The following R3HDM1 variants were observed in gnomAD, a reference collection of about 807,000 sequenced individuals.
R3HDM1 encodes the protein R3H domain containing 1.
A neutral mutation model predicts 141.1 loss-of-function variants in R3HDM1; 46 were observed. The observed-to-expected ratio is 0.33, with a 90% confidence interval of 0.26 to 0.42. The LOEUF (loss-of-function observed/expected upper bound fraction) is 0.42, where lower values mean the gene tolerates loss of function less well. Ranked by LOEUF, R3HDM1 falls within the 10% of genes least tolerant of loss-of-function variation. The pLI, the probability that R3HDM1 is intolerant of heterozygous loss-of-function variation, is 1.00. For missense variants in R3HDM1, 1,184 were observed against 1,368.3 expected, an observed-to-expected ratio of 0.87 and a Z score of 2.12; for synonymous variants, 435 against 472.9, an observed-to-expected ratio of 0.92 and a Z score of 1.04.
intron 21 of R3HDM1, among the ~76,000 whole-genome samples, chr2:135,702,478 A>G (rs1315237653): frequency 6.6e-6 from 1 of 151,694 alleles, no homozygotes; most frequent in Non-Finnish European, 1.5e-5. Flanking sequence ...GGCTAACACG[A>G]TGAAACCCCA....
chr2:135,676,711 T>C (rs925730473), intron 20 of R3HDM1, among the ~76,000 whole-genome samples: 2 of 152,194 alleles, frequency 1.3e-5, no homozygotes, highest in African/African-American at 4.8e-5. Flanking sequence ...CTCAGAAGGC[T>C]GAGGCAGGAG....
chr2:135,531,544 C>G lies in R3HDM1; in HGVS notation c.-339C>G. The stretch of plus-strand genomic sequence containing the variant: ...CCGGGCTGGTGATGGGGTTAATTCC[C>G]TTTCGTAAGACTCTTACTTGCACCC... On this transcript the variant is annotated 5_prime_UTR_variant, in exon 1 of 27. Transcript: ENST00000683871. 1.0e-6 allele frequency: 1 copy of G among 985,828 alleles called. No individual in the cohort carries two copies. The highest frequency in any genetic ancestry group is 1.7e-5 in the African/African-American group (1 of 57,310). 61.1% of individuals were successfully genotyped at this position (985,828 alleles called of 1,614,324 possible). A position where few individuals can be genotyped will look rare whatever the true frequency, so the allele number is the denominator to read the frequency against.
chr2:135,629,434 G>A (rs2062409070), intron 7 of R3HDM1, among the ~76,000 whole-genome samples: 1 of 151,972 alleles, frequency 6.6e-6, no homozygotes, highest in African/African-American at 2.4e-5. Context: ...TAAAATTTAA[G>A]AAAAACAAAA....
chr2:135,605,880 C>T (rs1278082767), intron 3 of R3HDM1: 2 of 152,174 alleles, frequency 1.3e-5, no homozygotes, highest in Non-Finnish European at 2.9e-5. Flanking sequence ...GATGGAGTTT[C>T]ACTGTGTTGC....
intron 5 of R3HDM1, chr2:135,620,367 A>G: frequency 8.2e-6 from 7 of 851,276 alleles, no homozygotes; most frequent in Non-Finnish European, 9.9e-6. Flanking sequence ...TGGAAAATGA[A>G]TCACAATAAG....
chr2:135,680,063 G>A (rs895335755), intron 20 of R3HDM1, 110 bp from the exon 21 acceptor site: 10 of 1,143,640 alleles, frequency 8.7e-6, no homozygotes, highest in African/African-American at 1.6e-5. Context: ...CTGGGCAACA[G>A]AGCAAGAATT....
At chr2:135,674,280 T>G (rs2068813507) in intron 19 of R3HDM1, among the ~76,000 whole-genome samples, 1 of 152,238 alleles carries the variant, frequency 6.6e-6, no homozygotes, top group Non-Finnish European at 1.5e-5. Context: ...TTAGTGAGGA[T>G]ATAAATGAAA....
At chr2:135,677,684 C>G (rs2069438726) in intron 20 of R3HDM1, among the ~76,000 whole-genome samples, 1 of 152,108 alleles carries the variant, frequency 6.6e-6, no homozygotes, top group Non-Finnish European at 1.5e-5. Context: ...GTAATTCTCA[C>G]ATTGGCTGAA....
rs369044139 is a variant in R3HDM1, at chr2:135,672,492, G to A, written c.2153-2840G>A. Among the ~76,000 whole-genome samples the A allele has an allele frequency of 1.0e-3, 159 of 152,100 alleles. 5 individuals carry two copies. The South Asian group carries it at 0.033, about 31-fold the overall frequency. ...AATGTCACTACCTTTATAAATATCAGTCAGGACTAATTTCTTCCTCTTTTT... is the reference window on the plus strand; with the variant it reads ...AATGTCACTACCTTTATAAATATCAATCAGGACTAATTTCTTCCTCTTTTT... On this transcript the variant is annotated intron_variant, in intron 19 of 26. Coordinates refer to ENST00000683871, the MANE Select transcript of R3HDM1 (RefSeq NM_001378107.1).
intron 1 of R3HDM1, among the ~76,000 whole-genome samples, chr2:135,576,114 T>A (rs1395977710): frequency 2.0e-5 from 3 of 152,144 alleles, no homozygotes; most frequent in Non-Finnish European, 4.4e-5. Flanking sequence ...AATGGTATCT[T>A]GGGCTGGGCT....
At chr2:135,642,610 T>TA (rs2063920568) in intron 15 of R3HDM1, among the ~76,000 whole-genome samples, 1 of 152,186 alleles carries the variant, frequency 6.6e-6, no homozygotes, top group Non-Finnish European at 1.5e-5. Context: ...TTTGGCAAGG[T>TA]AATGAAAACT....
intron 21 of R3HDM1, among the ~76,000 whole-genome samples, chr2:135,708,286 T>C (rs2117510): frequency 0.97 from 147,757 of 152,252 alleles, 71,835 homozygotes; most frequent in Middle Eastern, 1. Context: ...TATTTCCTTC[T>C]GCCCCGCAAA....
At chr2:135,536,404 G>A (rs1322095732) in intron 1 of R3HDM1, 8 of 371,214 alleles carry the variant, frequency 2.2e-5, no homozygotes, top group Admixed American at 1.3e-4. Flanking sequence ...GCCTTAGCCT[G>A]CCAAAGTGCT....
At chr2:135,632,352 A>C (rs1156977766) in intron 9 of R3HDM1, among the ~76,000 whole-genome samples, 6 of 150,902 alleles carry the variant, frequency 4.0e-5, no homozygotes, top group Non-Finnish European at 1.5e-5. Flanking sequence ...AAAACACAAG[A>C]GAGAGAGCAG....
chr2:135,610,641 G>A (rs2060455253), intron 3 of R3HDM1, among the ~76,000 whole-genome samples: 1 of 152,172 alleles, frequency 6.6e-6, no homozygotes. Context: ...CTTCGACAAT[G>A]AAGGCAGTAC....
At chr2:135,539,491 T>G (rs1696985084) in intron 1 of R3HDM1, among the ~76,000 whole-genome samples, 1 of 152,182 alleles carries the variant, frequency 6.6e-6, no homozygotes, top group Admixed American at 6.5e-5. Flanking sequence ...AATGTCATTA[T>G]GCAGTGCGTG....
At chr2:135,577,096 G>A (rs1559156054) in intron 1 of R3HDM1, 1 of 953,552 alleles carries the variant, frequency 1.0e-6, no homozygotes, top group Non-Finnish European at 1.2e-6. Context: ...TAAAGAGAGA[G>A]AAAAAAAGAC....
At chr2:135,695,997 C>T (rs1403826951) in intron 21 of R3HDM1, among the ~76,000 whole-genome samples, 4 of 152,200 alleles carry the variant, frequency 2.6e-5, no homozygotes, top group Admixed American at 1.3e-4. Flanking sequence ...CTCAAACCAA[C>T]CACCTGGGGA....
chr2:135,580,393 G>A (rs539333363), intron 1 of R3HDM1, among the ~76,000 whole-genome samples: 1 of 152,314 alleles, frequency 6.6e-6, no homozygotes, highest in African/African-American at 2.4e-5. Flanking sequence ...TTTGAACTAA[G>A]ACTGAATAGA....
Sources: allele counts gnomAD v4.1 joint callset (sites outside exome capture counted in the v4.1 genomes callset), GRCh38; gene constraint gnomAD v4.1.1; transcripts MANE v1.5; gene names NCBI Gene and HGNC (gene_info 2026-07-23, HGNC 2026-07-21).